The following DCAF6 variants were observed in gnomAD, a reference collection of about 807,000 sequenced individuals.
The protein encoded by DCAF6 is DDB1- and CUL4-associated factor 6.
A neutral mutation model predicts 125.1 loss-of-function variants in DCAF6; 54 were observed. The ratio of observed to expected loss-of-function variants is 0.43; its 90% confidence interval spans 0.35 to 0.54. DCAF6 has a LOEUF of 0.54. Ranked by LOEUF, DCAF6 falls within the 20% of genes least tolerant of loss-of-function variation. DCAF6 has a pLI of 0.01. For missense variants in DCAF6, 934 were observed against 1,161.7 expected, an observed-to-expected ratio of 0.80 and a Z score of 2.85; for synonymous variants, 371 against 390.4, an observed-to-expected ratio of 0.95 and a Z score of 0.58.
chr1:167,931,644 A>C (rs1202581585), upstream of DCAF6, among the ~76,000 whole-genome samples: 1 of 152,080 alleles, frequency 6.6e-6, no homozygotes, highest in Non-Finnish European at 1.5e-5. Context: ...CAGAGATGCT[A>C]AAGAACTGTG....
chr1:167,961,237 ATTTTG>A (rs1450745151), intron 2 of DCAF6, among the ~76,000 whole-genome samples: 1 of 147,730 alleles, frequency 6.8e-6, no homozygotes, highest in Non-Finnish European at 1.5e-5. Flanking sequence ...GGAGGGTTTT[ATTTTG>A]TTTTGTTTTG....
At chr1:167,919,830 T>C in the DCAF6 span, 1 of 504,044 alleles carries the variant, frequency 2.0e-6, no homozygotes, top group South Asian at 3.5e-5. Context: ...AGATACTTCT[T>C]GTCTTAGCAT....
At chr1:167,883,581 C>A in the DCAF6 span, 1 of 1,614,234 alleles carries the variant, frequency 6.2e-7, no homozygotes, top group Non-Finnish European at 8.5e-7. Flanking sequence ...ACACAATCGT[C>A]ACTGGGCGAA....
intron 7 of DCAF6, among the ~76,000 whole-genome samples, chr1:167,996,164 C>T (rs1423596101): frequency 6.6e-6 from 1 of 151,966 alleles, no homozygotes; most frequent in East Asian, 1.9e-4. Context: ...TTCCTTACCG[C>T]CTCTAATAAT....
intron 10 of DCAF6, among the ~76,000 whole-genome samples, chr1:168,014,050 G>C (rs953446581): frequency 6.6e-6 from 1 of 151,954 alleles, no homozygotes; most frequent in African/African-American, 2.4e-5. Flanking sequence ...GCCTTCCCTT[G>C]ATTCTTTATA....
intron 3 of DCAF6, among the ~76,000 whole-genome samples, chr1:167,971,158 A>G (rs1311377773): frequency 6.6e-6 from 1 of 151,990 alleles, no homozygotes; most frequent in Non-Finnish European, 1.5e-5. Context: ...TCTCCCATCT[A>G]CTTGGTAAAT....
chr1:167,982,931 T>C (rs1679418259), intron 4 of DCAF6, among the ~76,000 whole-genome samples: 1 of 152,202 alleles, frequency 6.6e-6, no homozygotes, highest in Admixed American at 6.5e-5. Flanking sequence ...CCTTTCCCCA[T>C]TGCTTATTTT....
chr1:167,961,987 G>A (rs113062613), intron 2 of DCAF6, among the ~76,000 whole-genome samples: 1,928 of 152,228 alleles, frequency 0.013, 41 homozygotes, highest in African/African-American at 0.045. Context: ...GAACTTGTGT[G>A]TATTTTGGGA....
At chr1:167,899,606 G>T in the DCAF6 span, 1 of 1,614,042 alleles carries the variant, frequency 6.2e-7, no homozygotes. Flanking sequence ...AGACCAACAT[G>T]CTGATGTGGC....
chr1:168,040,556 T>G (rs1307452831), intron 13 of DCAF6, among the ~76,000 whole-genome samples: 1 of 151,978 alleles, frequency 6.6e-6, no homozygotes, highest in South Asian at 2.1e-4. Flanking sequence ...TTTATAAGTC[T>G]TAGTGCCTGA....
rs548546778 is a variant in DCAF6, at chr1:168,033,538, C to G, written c.1610-4833C>G. Among the ~76,000 whole-genome samples, 19 of 151,974 alleles carry G rather than the reference C, an allele frequency of 1.3e-4. No homozygotes were observed. In the South Asian group the frequency reaches 4.0e-3, roughly 32 times the overall value. ...TTCACCTTGTTAGCCAGGATGGTCTCGATCTTCTGACCTCATGATCCACCC... is the reference window on the plus strand; with the variant it reads ...TTCACCTTGTTAGCCAGGATGGTCTGGATCTTCTGACCTCATGATCCACCC... On this transcript the variant is annotated intron_variant, in intron 12 of 21. Transcript: ENST00000367840.
intron 11 of DCAF6, among the ~76,000 whole-genome samples, chr1:168,017,508 CTT>C (rs1685141883): frequency 6.6e-6 from 1 of 151,956 alleles, no homozygotes; most frequent in South Asian, 2.1e-4. Context: ...GAAGCAAGCT[CTT>C]TTTAGAATCA....
the DCAF6 span, among the ~76,000 whole-genome samples, chr1:167,925,309 CT>C: frequency 2.0e-5 from 3 of 151,402 alleles, no homozygotes; most frequent in African/African-American, 7.3e-5. Flanking sequence ...ACTTGTACCC[CT>C]ATTACCTAAT....
intron 8 of DCAF6, among the ~76,000 whole-genome samples, chr1:168,002,878 T>C (rs1682836769): frequency 2.6e-5 from 4 of 152,162 alleles, no homozygotes; most frequent in Admixed American, 6.6e-5. Flanking sequence ...TGTCAGACTT[T>C]GCAGTTTTTG....
upstream of DCAF6, chr1:167,936,120 A>C: frequency 2.0e-6 from 1 of 499,096 alleles, no homozygotes; most frequent in Non-Finnish European, 3.7e-6. Flanking sequence ...CAGGTGCCAA[A>C]ATAATCACCT....
upstream of DCAF6, chr1:167,935,601 C>T: frequency 1.4e-6 from 1 of 695,526 alleles, no homozygotes; most frequent in Non-Finnish European, 2.5e-6. Context: ...GGAGAGTAGA[C>T]GGCTTCACTT....
At chr1:167,958,161 CT>C (rs1675051513) in intron 2 of DCAF6, among the ~76,000 whole-genome samples, 1 of 151,998 alleles carries the variant, frequency 6.6e-6, no homozygotes, top group African/African-American at 2.4e-5. Context: ...AGTCTAATTT[CT>C]TTTTGCTGTT....
the DCAF6 span, among the ~76,000 whole-genome samples, chr1:167,869,899 CTACACTG>C: frequency 3.0e-4 from 46 of 152,288 alleles, no homozygotes; most frequent in African/African-American, 1.1e-3. Flanking sequence ...GCTGGTCCTG[CTACACTG>C]TCAGCTAGCT....
chr1:167,864,895 GAAA>G, the DCAF6 span, among the ~76,000 whole-genome samples: 1 of 129,258 alleles, frequency 7.7e-6, no homozygotes, highest in African/African-American at 2.8e-5. Context: ...TTGCTAACAG[GAAA>G]AAAAAAAAAA....
Sources: allele counts gnomAD v4.1 joint callset (sites outside exome capture counted in the v4.1 genomes callset), GRCh38; gene constraint gnomAD v4.1.1; transcripts MANE v1.5; gene names NCBI Gene and HGNC (gene_info 2026-07-23, HGNC 2026-07-21).